Variants in LINGO2 observed in about 807,000 individuals in gnomAD.
LINGO2 encodes leucine rich repeat and Ig domain containing 2.
A neutral mutation model predicts 30.6 loss-of-function variants in LINGO2; 14 were observed. The observed-to-expected ratio is 0.46, with a 90% confidence interval of 0.30 to 0.72. The LOEUF is 0.72. LINGO2 is among the 30% of genes least tolerant of loss of function. The probability of loss-of-function intolerance (pLI) is 0.07; values close to 1 mark genes in which losing one functional copy is unlikely to be tolerated. For missense variants in LINGO2, 729 were observed against 751.7 expected, an observed-to-expected ratio of 0.97 and a Z score of 0.35; for synonymous variants, 317 against 288.5, an observed-to-expected ratio of 1.10 and a Z score of -1.00.
At chr9:28,544,644 CAAG>C (rs36037604) in intron 1 of LINGO2, among the ~76,000 whole-genome samples, 69,566 of 151,492 alleles carry the variant, frequency 0.46, 17,148 homozygotes, top group East Asian at 0.71. Flanking sequence ...GCTGTTACAA[CAAG>C]AAGAATAGCA....
intron 3 of LINGO2, among the ~76,000 whole-genome samples, chr9:28,355,821 G>GA (rs34739925): frequency 0.35 from 53,677 of 151,920 alleles, 11,108 homozygotes; most frequent in Non-Finnish European, 0.45. Flanking sequence ...TGTGCATACA[G>GA]AAAAAACATC....
At chr9:28,881,265 A>G in the LINGO2 span, among the ~76,000 whole-genome samples, 6 of 152,090 alleles carry the variant, frequency 3.9e-5, no homozygotes, top group Non-Finnish European at 8.8e-5. Context: ...CTGGGATTAC[A>G]GGTATGTCAC....
chr9:28,187,048 C>A (rs1374451716), intron 4 of LINGO2, among the ~76,000 whole-genome samples: 1 of 152,076 alleles, frequency 6.6e-6, no homozygotes, highest in Non-Finnish European at 1.5e-5. Context: ...CGATGGTAGA[C>A]ACAGGCAGAC....
At chr9:28,634,931 G>A (rs1827187107) in intron 1 of LINGO2, among the ~76,000 whole-genome samples, 1 of 152,164 alleles carries the variant, frequency 6.6e-6, no homozygotes, top group African/African-American at 2.4e-5. Context: ...GTACCACAAG[G>A]AGAGATAATA....
chr9:28,064,642 T>C (rs772659890), intron 4 of LINGO2, among the ~76,000 whole-genome samples: 18 of 152,074 alleles, frequency 1.2e-4, no homozygotes, highest in Non-Finnish European at 2.4e-4. Context: ...CTGCTCTGAT[T>C]ACAAAATAAT....
At chr9:28,312,511 C>T (rs1824669063) in intron 3 of LINGO2, among the ~76,000 whole-genome samples, 1 of 151,884 alleles carries the variant, frequency 6.6e-6, no homozygotes, top group Admixed American at 6.6e-5. Context: ...TGCAAAGAAG[C>T]TAAATAAGAG....
intron 4 of LINGO2, among the ~76,000 whole-genome samples, chr9:28,190,215 A>C (rs1285834081): frequency 6.6e-6 from 1 of 152,074 alleles, no homozygotes; most frequent in Non-Finnish European, 1.5e-5. Context: ...AATGGGCTTT[A>C]AGGGTTGATA....
the LINGO2 span, among the ~76,000 whole-genome samples, chr9:29,103,763 T>G: frequency 6.6e-6 from 1 of 152,124 alleles, no homozygotes; most frequent in Non-Finnish European, 1.5e-5. Flanking sequence ...TGACACACAG[T>G]CAGACCCACA....
At chr9:28,907,467 G>A in the LINGO2 span, among the ~76,000 whole-genome samples, 1 of 151,758 alleles carries the variant, frequency 6.6e-6, no homozygotes. Context: ...GATTTCTAAT[G>A]AGAAGTAGAG....
chr9:28,538,511 A>G (rs1243296069), intron 1 of LINGO2, among the ~76,000 whole-genome samples: 1 of 152,152 alleles, frequency 6.6e-6, no homozygotes, highest in African/African-American at 2.4e-5. Context: ...AGAATAAAGG[A>G]GTAAAAAAGA....
intron 4 of LINGO2, among the ~76,000 whole-genome samples, chr9:28,044,802 A>G (rs1297287975): frequency 6.6e-6 from 1 of 151,994 alleles, no homozygotes; most frequent in Admixed American, 6.6e-5. Context: ...CATATGTTAT[A>G]AGGAATCAGA....
intron 4 of LINGO2, among the ~76,000 whole-genome samples, chr9:28,104,124 G>A (rs1263116551): frequency 6.6e-6 from 1 of 151,896 alleles, no homozygotes; most frequent in Non-Finnish European, 1.5e-5. Flanking sequence ...AAAAAGCAAT[G>A]ACTCCTTGTC....
chr9:28,074,879 G>A (rs1355454789), intron 4 of LINGO2, among the ~76,000 whole-genome samples: 2 of 151,454 alleles, frequency 1.3e-5, no homozygotes, highest in Non-Finnish European at 2.9e-5. Context: ...GGGGAATAAA[G>A]CATTGTATCT....
intron 4 of LINGO2, among the ~76,000 whole-genome samples, chr9:28,082,303 A>G (rs1177206465): frequency 3.3e-5 from 5 of 152,174 alleles, no homozygotes; most frequent in African/African-American, 1.2e-4. Flanking sequence ...GTCATCTCAT[A>G]TGGGCGCAGG....
intron 4 of LINGO2, among the ~76,000 whole-genome samples, chr9:28,192,277 A>G (rs2133779732): frequency 6.6e-6 from 1 of 152,202 alleles, no homozygotes; most frequent in Admixed American, 6.5e-5. Context: ...TTTTATATAC[A>G]TATGTATAAA....
At chr9:28,223,214 C>T (rs1821028236) in intron 4 of LINGO2, among the ~76,000 whole-genome samples, 1 of 152,116 alleles carries the variant, frequency 6.6e-6, no homozygotes, top group African/African-American at 2.4e-5. Context: ...TTTGTTTTCT[C>T]ACAGTTCTGG....
chr9:28,660,278 T>A (rs1479494746), intron 1 of LINGO2, among the ~76,000 whole-genome samples: 3 of 152,044 alleles, frequency 2.0e-5, no homozygotes, highest in Non-Finnish European at 4.4e-5. Flanking sequence ...TAATAAAACA[T>A]GGTTATTAAT....
chr9:28,002,772 A>G (rs1488268210), intron 5 of LINGO2, among the ~76,000 whole-genome samples: 1 of 148,784 alleles, frequency 6.7e-6, no homozygotes, highest in Admixed American at 6.7e-5. Context: ...GTCTGTGTGG[A>G]GATGGCACAT....
At chr9:28,126,954 TATAA>T (rs1255110278) in intron 4 of LINGO2, among the ~76,000 whole-genome samples, 1 of 152,254 alleles carries the variant, frequency 6.6e-6, no homozygotes, top group Non-Finnish European at 1.5e-5. Context: ...TAACATTTTT[TATAA>T]ATAAAGAATT....
Sources: allele counts gnomAD v4.1 joint callset (sites outside exome capture counted in the v4.1 genomes callset), GRCh38; gene constraint gnomAD v4.1.1; transcripts MANE v1.5; gene names NCBI Gene and HGNC (gene_info 2026-07-23, HGNC 2026-07-21).